KIR2DL4: variants seen among roughly 807,000 people sequenced by gnomAD.
KIR2DL4 encodes the protein killer cell immunoglobulin like receptor, two Ig domains and long cytoplasmic tail 4, also known as killer cell immunoglobulin-like receptor 2DL4.
A neutral mutation model predicts 31.0 loss-of-function variants in KIR2DL4; 41 were observed. The ratio of observed to expected loss-of-function variants is 1.32; its 90% CI spans 1.03 to 1.72. KIR2DL4 has a LOEUF of 1.72. Among genes scored for constraint, KIR2DL4 ranks in the 40% most tolerant of loss-of-function variants. The pLI is 0.00. For missense variants in KIR2DL4, 438 were observed against 353.7 expected (o/e 1.24, Z -1.91); for synonymous variants, 164 against 133.6 (o/e 1.23, Z -1.57).
intron 4 of KIR2DL4, among the ~76,000 whole-genome samples, chr19:54,807,229 C>G (rs2060582556): frequency 1.3e-5 from 2 of 150,518 alleles, no homozygotes; most frequent in South Asian, 4.2e-4. Context: ...TGAGTTGTCT[C>G]CATTGTGTGT....
intron 2 of KIR2DL4, 45 bp downstream of exon 2, chr19:54,803,971 C>T (rs2034949730): frequency 6.4e-7 from 1 of 1,572,210 alleles, no homozygotes; most frequent in East Asian, 2.2e-5. Context: ...CACCCCAATA[C>T]AAGTGAATTT....
chr19:54,810,334 C>T (rs1476159140), intron 5 of KIR2DL4, among the ~76,000 whole-genome samples: 1 of 150,844 alleles, frequency 6.6e-6, no homozygotes, highest in Non-Finnish European at 1.5e-5. Context: ...TACCATGTTG[C>T]CCAGGCTATC....
chr19:54,811,287 A>G (rs2060852253), intron 5 of KIR2DL4, among the ~76,000 whole-genome samples: 1 of 150,956 alleles, frequency 6.6e-6, no homozygotes. Context: ...AATACCAGCT[A>G]TTCGGGAAGT....
In KIR2DL4 at chr19:54,808,297, G is replaced by A. The variant is rs2060647440; in HGVS notation, c.656-536G>A. On this transcript the variant is annotated intron_variant, in intron 4 of 7. Coordinates refer to ENST00000359085, the Ensembl canonical transcript of KIR2DL4. The stretch of plus-strand genomic sequence containing the variant: ...TCTTCCCTCAGACAAATGTCCTGGA[G>A]CATTTCTCCAGTGTTTCCTTTTAGA... Among the ~76,000 whole-genome samples the A allele has an allele frequency of 1.3e-5, 2 of 150,954 alleles. 1 individual carries two copies. Among genetic ancestry groups the A allele is most frequent in the East Asian group, 3.9e-4 (2 of 5,160 alleles).
At chr19:54,806,516 G>C (rs2060541220) in intron 4 of KIR2DL4, among the ~76,000 whole-genome samples, 1 of 151,236 alleles carries the variant, frequency 6.6e-6, no homozygotes, top group Middle Eastern at 3.4e-3. Flanking sequence ...CTCAGTTTGG[G>C]GAGATCAGAG....
rs1267981577 is a variant in KIR2DL4 at position 54,811,042 on chromosome 19, C to T, written c.707-2083C>T. 3.0e-4 allele frequency among the ~76,000 whole-genome samples: 45 copies of T among 151,262 alleles called. 4 individuals are homozygous for T. Among genetic ancestry groups the T allele is most frequent in the African/African-American group, 1.1e-3 (45 of 40,904 alleles). On this transcript the variant is annotated intron_variant, in intron 5 of 7. Transcript: ENST00000359085. ...AGATTTATTTTTCCTACATGTAAAT[C>T]AATACTTGGCAGAGGAGTGAGAGAT...
At position 54,803,928 on chromosome 19, in the gene KIR2DL4, T is replaced by G. The variant is rs2060335174; in HGVS notation, c.76+2T>G. 6.2e-7 allele frequency: 1 copy of G among 1,609,004 alleles called. No homozygotes were observed. Among genetic ancestry groups the G allele is most frequent in the African/African-American group, 1.4e-5 (1 of 73,366 alleles). On this transcript the variant is annotated splice_donor_variant, in intron 2 of 7. Coordinates refer to ENST00000359085, the Ensembl canonical transcript of KIR2DL4. LOFTEE classifies it high-confidence loss of function. ...ACCAGAGTGTGTGGGCACACGTGGG[T>G]GAGTCCTTCCCCAAATGATGGGTTG...
intron 5 of KIR2DL4, among the ~76,000 whole-genome samples, chr19:54,810,008 T>A (rs1482371270): frequency 6.7e-6 from 1 of 149,834 alleles, no homozygotes; most frequent in Admixed American, 6.6e-5. Flanking sequence ...TGGCCTCTGC[T>A]CTTGGACACT....
intron 5 of KIR2DL4, among the ~76,000 whole-genome samples, chr19:54,810,941 G>C (rs1293742952): frequency 6.6e-6 from 1 of 151,166 alleles, no homozygotes; most frequent in African/African-American, 2.4e-5. Context: ...TTGTGAGGTA[G>C]AGTAATTTGC....
chr19:54,811,314 C>T (rs1014142376), intron 5 of KIR2DL4, among the ~76,000 whole-genome samples: 2 of 151,092 alleles, frequency 1.3e-5, no homozygotes, highest in African/African-American at 2.4e-5. Context: ...AGGAGAATGG[C>T]TTCAACCAGG....
intron 5 of KIR2DL4, among the ~76,000 whole-genome samples, chr19:54,809,604 G>A (rs1409751544): frequency 6.6e-6 from 1 of 151,220 alleles, no homozygotes; most frequent in Non-Finnish European, 1.5e-5. Context: ...ACTTTTCCCA[G>A]CTCCTAGAGG....
exon 8 of KIR2DL4, chr19:54,814,407 G>A (rs1189833926): frequency 1.7e-5 from 7 of 419,952 alleles, no homozygotes; most frequent in Non-Finnish European, 1.3e-5. Context: ...CCCTCGTGCT[G>A]TTCCACCTTT....
At chr19:54,808,138 G>A (rs2060636481) in intron 4 of KIR2DL4, among the ~76,000 whole-genome samples, 1 of 150,184 alleles carries the variant, frequency 6.7e-6, no homozygotes, top group Non-Finnish European at 1.5e-5. Flanking sequence ...CTCCCATTCT[G>A]TGGGTTGTCT....
chr19:54,813,609 C>T, intron 6 of KIR2DL4, 81 bp from the exon 6 acceptor site: 2 of 1,432,020 alleles, frequency 1.4e-6, no homozygotes, highest in Non-Finnish European at 2.0e-6. Context: ...TATGGCCTCC[C>T]CCTGTGTGTT....
rs927654415 is a variant in KIR2DL4, at chr19:54,806,150, C to T, written c.561C>T (p.Ala187=). 5.0e-6 allele frequency: 8 copies of T among 1,612,042 alleles called. No individual in the cohort carries two copies. The Admixed American group carries it at 1.0e-4, about 20-fold the overall frequency. The change falls in exon 4 of 8, where the codon GCC becomes GCT. Residue 187 remains alanine, a synonymous_variant. Transcript: ENST00000359085. ...AGGCCGACTTCCCTCTGGGTCCTGC[C>T]ACCCACGGAGAGACCTACAGATGCT...
rs777387317 is a variant in KIR2DL4, at chr19:54,813,848, G to C, written c.*48G>C. The stretch of plus-strand genomic sequence containing the variant: ...AGGATTTCCCTCTCTCCAGGACTCT[G>C]ATGAACAAGACCCTCAGGAGGTGAC... On this transcript the variant is annotated 3_prime_UTR_variant, in exon 8 of 8. Transcript: ENST00000359085. 1.5e-5 allele frequency: 24 copies of C among 1,612,304 alleles called. 1 individual carries two copies. In the East Asian group the frequency reaches 3.1e-4, roughly 21 times the overall value.
chr19:54,804,854 C>A, exon 3 of KIR2DL4: 1 of 1,612,182 alleles, frequency 6.2e-7, no homozygotes, highest in Admixed American at 1.7e-5. Context: ...AAGGAGGACA[C>A]GTGACTCTTC....
At chr19:54,811,284 G>T (rs1381970573) in intron 5 of KIR2DL4, among the ~76,000 whole-genome samples, 2 of 150,882 alleles carry the variant, frequency 1.3e-5, no homozygotes, top group Non-Finnish European at 2.9e-5. Context: ...TGTAATACCA[G>T]CTATTCGGGA....
intron 5 of KIR2DL4, among the ~76,000 whole-genome samples, chr19:54,809,237 A>G (rs76869409): frequency 0.33 from 49,339 of 147,740 alleles, 9,625 homozygotes; most frequent in African/African-American, 0.51. Flanking sequence ...AGGGTGGTGT[A>G]TTTGTAGAGA....
Sources: allele counts gnomAD v4.1 joint callset (sites outside exome capture counted in the v4.1 genomes callset), GRCh38; gene constraint gnomAD v4.1.1; transcripts MANE v1.5; gene names NCBI Gene and HGNC (gene_info 2026-07-23, HGNC 2026-07-21).